Variants in C1orf74 observed in about 807,000 individuals in gnomAD.
The protein encoded by C1orf74 is chromosome 1 open reading frame 74.
In C1orf74, 5 loss-of-function variants were observed where a neutral mutation model predicts 7.3. The ratio of observed to expected loss-of-function variants is 0.68; its 90% CI spans 0.36 to 1.44. The LOEUF is 1.44. Ranked by LOEUF, C1orf74 falls within the 40% of genes most tolerant of loss-of-function variation. The pLI is 0.04. For synonymous variants in C1orf74, 121 were observed against 132.5 expected (o/e 0.91, Z 0.59); for missense variants, 291 against 314.3 (o/e 0.93, Z 0.56).
Position 209,781,592 on chromosome 1 carries a change from T to C in C1orf74, c.*1233A>G, listed in dbSNP as rs1203644956. The stretch of plus-strand genomic sequence containing the variant: ...GTCCCACTGTGCTTGGTTTATACTA[T>C]ACTGACATTATGGCAACCATTGAAA... On this transcript the variant is annotated 3_prime_UTR_variant, in exon 2 of 2. Coordinates refer to ENST00000294811, the MANE Select transcript of C1orf74 (RefSeq NM_152485.4). 1 of 589,560 alleles carries C rather than the reference T, an allele frequency of 1.7e-6. No homozygotes were observed. The highest frequency in any genetic ancestry group is 3.0e-6 in the Non-Finnish European group (1 of 330,878). The allele number at this position is 589,560 out of a possible 1,614,324, so 36.5% of individuals were successfully genotyped here. A position where few individuals can be genotyped will look rare whatever the true frequency, so the allele number is the denominator to read the frequency against.
Position 209,780,706 on chromosome 1 carries a change from T to A in C1orf74, c.*2119A>T. ...GGGATTTCAAAGTTTAAGTTGTGAG[T>A]GGATAACCACAGACATTCATTTGCC... On this transcript the variant is annotated 3_prime_UTR_variant, in exon 2 of 2. Coordinates refer to ENST00000294811, the MANE Select transcript of C1orf74 (RefSeq NM_152485.4). 8.5e-7 allele frequency: 1 copy of A among 1,170,076 alleles called. No individual in the cohort carries two copies. The highest frequency in any genetic ancestry group is 1.1e-6 in the Non-Finnish European group (1 of 876,970). The allele number at this position is 1,170,076 out of a possible 1,614,324, so 72.5% of individuals were successfully genotyped here. A position where few individuals can be genotyped will look rare whatever the true frequency, so the allele number is the denominator to read the frequency against.
chr1:209,783,947 C>A (rs924411381), intron 1 of C1orf74, among the ~76,000 whole-genome samples: 8 of 152,020 alleles, frequency 5.3e-5, no homozygotes, highest in African/African-American at 1.9e-4. Flanking sequence ...TAAATTTCAC[C>A]TGTTGCAAAT....
intron 1 of C1orf74, 62 bp downstream of exon 1, chr1:209,784,316 C>T (rs1265927100): frequency 6.6e-6 from 1 of 152,296 alleles, no homozygotes; most frequent in Non-Finnish European, 1.5e-5. Context: ...CCGATCCACA[C>T]ACCCCACACC....
At position 209,780,501 on chromosome 1, in the gene C1orf74, C is replaced by A. The variant is rs1159394152; in HGVS notation, c.*2324G>T. The A allele has an allele frequency of 1.2e-6, 2 of 1,600,314 alleles. No individual in the cohort carries two copies. Among genetic ancestry groups the A allele is most frequent in the South Asian group, 1.1e-5 (1 of 89,452 alleles). ...CTTTGCCCGTGTGGAGTCCAAAGTC[C>A]TTCCCTAACGAAGTGGAGCCTGAGG... On this transcript the variant is annotated 3_prime_UTR_variant, in exon 2 of 2. Transcript: ENST00000294811.
At position 209,779,365 on chromosome 1, in the gene C1orf74, A is replaced by G; in HGVS notation, c.*3460T>C. On this transcript the variant is annotated 3_prime_UTR_variant, in exon 2 of 2. Coordinates refer to ENST00000294811, the MANE Select transcript of C1orf74 (RefSeq NM_152485.4). ...GCTTCAAGAACAGGAGAAACTCTTA[A>G]CAAAGAAAGGTCAGCAAATTTATTA... 6.2e-7 allele frequency: 1 copy of G among 1,614,056 alleles called. No individual in the cohort carries two copies. Among genetic ancestry groups the G allele is most frequent in the Non-Finnish European group, 8.5e-7 (1 of 1,179,854 alleles).
Position 209,779,482 on chromosome 1 carries a change from G to A in C1orf74, c.*3343C>T. 3.2e-6 allele frequency: 3 copies of A among 925,540 alleles called. No homozygotes were observed. Among genetic ancestry groups the A allele is most frequent in the Non-Finnish European group, 5.3e-6 (3 of 565,364 alleles). 57.3% of individuals were successfully genotyped at this position (925,540 alleles called of 1,614,324 possible). A position where few individuals can be genotyped will look rare whatever the true frequency, so the allele number is the denominator to read the frequency against. On this transcript the variant is annotated 3_prime_UTR_variant, in exon 2 of 2. Transcript: ENST00000294811. ...CCTGGAGTCCCAGCCAGTTCTGGGA[G>A]TCTGTTAAGTCCGGGATGTGTGGGA... is the stretch of plus-strand genomic sequence containing the variant.
In C1orf74 at chr1:209,780,486, G is replaced by T. The variant is rs759490333; in HGVS notation, c.*2339C>A. ...CTTTTTTAGATCAGGCTTTGCCCGT[G>T]TGGAGTCCAAAGTCCTTCCCTAACG... On this transcript the variant is annotated 3_prime_UTR_variant, in exon 2 of 2. Transcript: ENST00000294811. 1.2e-5 allele frequency: 19 copies of T among 1,595,834 alleles called. No homozygotes were observed. The highest frequency in any genetic ancestry group is 1.7e-5 in the Admixed American group (1 of 58,514).
Position 209,783,580 on chromosome 1 carries a change from C to T in C1orf74, c.55G>A (p.Ala19Thr), listed in dbSNP as rs1390480092. The T allele has an allele frequency of 1.9e-6, 3 of 1,611,552 alleles. No homozygotes were observed. The East Asian group carries it at 6.7e-5, about 36-fold the overall frequency. ...SPSPQLLVAA[A>T]QQTLGMGKRR... ...TTTCCCATGCCAAGGGTCTGCTGAG[C>T]AGCTGCCACCAGCAGCTGAGGGCTC... The change falls in exon 2 of 2, where the codon GCT becomes ACT. Residue 19 changes from alanine (A) to threonine (T), a missense_variant. By Grantham distance (58) the Ala-to-Thr change is moderately conservative. Coordinates refer to ENST00000294811, the MANE Select transcript of C1orf74 (RefSeq NM_152485.4).
rs113229339 is a variant in C1orf74 at position 209,780,457 on chromosome 1, G to C, written c.*2368C>G. 5.8e-6 allele frequency: 9 copies of C among 1,543,814 alleles called. No homozygotes were observed. Among genetic ancestry groups the C allele is most frequent in the African/African-American group, 4.2e-5 (3 of 72,180 alleles). On this transcript the variant is annotated 3_prime_UTR_variant, in exon 2 of 2. Transcript: ENST00000294811. ...GGGCCTCACTGTCACCAAGAATCTG[G>C]CTGCTTTTTTAGATCAGGCTTTGCC...
Position 209,782,307 on chromosome 1 carries a change from CAG to C in C1orf74, c.*516_*517del. 1 of 613,688 alleles carries C rather than the reference CAG, an allele frequency of 1.6e-6. No homozygotes were observed. The highest frequency in any genetic ancestry group is 1.9e-5 in the South Asian group (1 of 52,542). 38.0% of individuals were successfully genotyped at this position (613,688 alleles called of 1,614,324 possible). ...CTACTGTAAATAAACTTCACCTGAC[CAG>C]ATTGTTCCTCAGAACTCTCAGTTTA... On this transcript the variant is annotated 3_prime_UTR_variant, in exon 2 of 2. Transcript: ENST00000294811.
At chr1:209,783,979 T>C (rs372272185) in intron 1 of C1orf74, among the ~76,000 whole-genome samples, 2 of 152,152 alleles carry the variant, frequency 1.3e-5, no homozygotes, top group African/African-American at 4.8e-5. Context: ...GTTCAAACCG[T>C]AGGGAATTTG....
Position 209,782,195 on chromosome 1 carries a change from C to A in C1orf74, c.*630G>T, listed in dbSNP as rs772132832. On this transcript the variant is annotated 3_prime_UTR_variant, in exon 2 of 2. Transcript: ENST00000294811. ...GGGTGAAAATCAGAAGCAAGCAACT[C>A]AGCGAAAAACTCAGAAGGTTTGGGT... The A allele has an allele frequency of 2.0e-6, 3 of 1,490,070 alleles. No individual in the cohort carries two copies. Among genetic ancestry groups the A allele is most frequent in the Non-Finnish European group, 2.8e-6 (3 of 1,066,916 alleles). 92.3% of individuals were successfully genotyped at this position (1,490,070 alleles called of 1,614,324 possible). A position where few individuals can be genotyped will look rare whatever the true frequency, so the allele number is the denominator to read the frequency against.
chr1:209,780,494 C>T lies in C1orf74; in HGVS notation c.*2331G>A. ...GATCAGGCTTTGCCCGTGTGGAGTCCAAAGTCCTTCCCTAACGAAGTGGAG... is the reference window on the plus strand; with the variant it reads ...GATCAGGCTTTGCCCGTGTGGAGTCTAAAGTCCTTCCCTAACGAAGTGGAG... On this transcript the variant is annotated 3_prime_UTR_variant, in exon 2 of 2. Transcript: ENST00000294811. 1.3e-6 allele frequency: 2 copies of T among 1,599,148 alleles called. No homozygotes were observed. The highest frequency in any genetic ancestry group is 1.7e-6 in the Non-Finnish European group (2 of 1,172,330).
chr1:209,782,170 G>A lies in C1orf74; in HGVS notation c.*655C>T. Reference sequence around the variant, plus strand: ...CTGAATAATTTGTGACAACTGCCTTGGGTGAAAATCAGAAGCAAGCAACTC... The same window carrying A: ...CTGAATAATTTGTGACAACTGCCTTAGGTGAAAATCAGAAGCAAGCAACTC... On this transcript the variant is annotated 3_prime_UTR_variant, in exon 2 of 2. Transcript: ENST00000294811. The A allele has an allele frequency of 6.3e-7, 1 of 1,598,682 alleles. No homozygotes were observed.
Position 209,780,641 on chromosome 1 carries a change from T to G in C1orf74, c.*2184A>C, listed in dbSNP as rs1459266972. On this transcript the variant is annotated 3_prime_UTR_variant, in exon 2 of 2. Transcript: ENST00000294811. ...TGACCTGAGATAGTGAGGGCTCATT[T>G]GCGAAATAGCAGAGAAACCTGGGAG... The G allele has an allele frequency of 2.7e-6, 4 of 1,484,638 alleles. No individual in the cohort carries two copies. The highest frequency in any genetic ancestry group is 3.6e-6 in the Non-Finnish European group (4 of 1,106,752). 92.0% of individuals were successfully genotyped at this position (1,484,638 alleles called of 1,614,324 possible). A position where few individuals can be genotyped will look rare whatever the true frequency, so the allele number is the denominator to read the frequency against.
In C1orf74 at chr1:209,782,496, A is replaced by G. The variant is rs996012394; in HGVS notation, c.*329T>C. The G allele has an allele frequency of 3.6e-5, 17 of 471,854 alleles. No homozygotes were observed. The highest frequency in any genetic ancestry group is 5.7e-5 in the Non-Finnish European group (15 of 261,344). The allele number at this position is 471,854 out of a possible 1,614,324, so 29.2% of individuals were successfully genotyped here. On this transcript the variant is annotated 3_prime_UTR_variant, in exon 2 of 2. Transcript: ENST00000294811. ...ATAGAGCAGGTATATTTACAAGGTT[A>G]CCATGCAAGAGTGTTTGGCTTGTCT...
At position 209,783,474 on chromosome 1, in the gene C1orf74, A is replaced by C. The variant is rs759937920; in HGVS notation, c.161T>G (p.Val54Gly). The C allele has an allele frequency of 4.3e-6, 7 of 1,614,108 alleles. No homozygotes were observed. In the East Asian group the frequency reaches 1.6e-4, roughly 36 times the overall value. ...LAVARGLKPAVLYDCNCAGAS... is the reference protein window; with the variant it reads ...LAVARGLKPAGLYDCNCAGAS... ...CCCTGCACAGTTGCAATCATAGAGC[A>C]CAGCTGGCTTCAGTCCCCGGGCCAC... Residue 54 changes from valine (V) to glycine (G), a missense_variant, in exon 2 of 2, where the codon GTG becomes GGG. Physicochemically the swap from Val to Gly is moderately radical, Grantham distance 109. Transcript: ENST00000294811.
chr1:209,782,233 G>A lies in C1orf74; in HGVS notation c.*592C>T, dbSNP rs527257150. The A allele has an allele frequency of 3.7e-6, 4 of 1,082,984 alleles. No homozygotes were observed. The South Asian group carries it at 3.8e-5, about 10-fold the overall frequency. 67.1% of individuals were successfully genotyped at this position (1,082,984 alleles called of 1,614,324 possible). On this transcript the variant is annotated 3_prime_UTR_variant, in exon 2 of 2. Transcript: ENST00000294811. Reference sequence around the variant, plus strand: ...AGAAGGTTTGGGTACATTACAGCTTGGGTTTTCCAACTGACTTAGGATTTC... The same window carrying A: ...AGAAGGTTTGGGTACATTACAGCTTAGGTTTTCCAACTGACTTAGGATTTC...
At position 209,780,461 on chromosome 1, in the gene C1orf74, C is replaced by CT; in HGVS notation, c.*2363dup. 1.9e-6 allele frequency: 3 copies of CT among 1,545,800 alleles called. No homozygotes were observed. Among genetic ancestry groups the CT allele is most frequent in the Non-Finnish European group, 2.6e-6 (3 of 1,140,438 alleles). On this transcript the variant is annotated 3_prime_UTR_variant, in exon 2 of 2. Coordinates refer to ENST00000294811, the MANE Select transcript of C1orf74 (RefSeq NM_152485.4). Reference sequence around the variant, plus strand: ...CTCACTGTCACCAAGAATCTGGCTGCTTTTTTAGATCAGGCTTTGCCCGTG... The same window carrying CT: ...CTCACTGTCACCAAGAATCTGGCTGCTTTTTTTAGATCAGGCTTTGCCCGTG...
Sources: allele counts gnomAD v4.1 joint callset (sites outside exome capture counted in the v4.1 genomes callset), GRCh38; gene constraint gnomAD v4.1.1; transcripts MANE v1.5; gene names NCBI Gene and HGNC (gene_info 2026-07-23, HGNC 2026-07-21).